The following TJP1 variants were observed in gnomAD, a reference collection of about 807,000 sequenced individuals.
TJP1 encodes tight junction protein 1, also known as tight junction protein ZO-1.
A neutral mutation model predicts 194.2 loss-of-function variants in TJP1; 43 were observed. That is an observed-to-expected ratio of 0.22 (90% CI 0.17 to 0.29). The LOEUF is 0.29. TJP1 is among the 10% of genes least tolerant of loss of function. TJP1 has a pLI of 1.00. For missense variants in TJP1, 1,971 were observed against 2,185.7 expected (o/e 0.90, Z 1.96); for synonymous variants, 801 against 779.0 (o/e 1.03, Z -0.47).
chr15:29,735,350 A>G (rs1402213480), intron 11 of TJP1, among the ~76,000 whole-genome samples: 1 of 152,114 alleles, frequency 6.6e-6, no homozygotes, highest in Non-Finnish European at 1.5e-5. Context: ...GCACTCTGGG[A>G]GGCCAAAGTA....
chr15:29,813,613 C>T (rs879449825), intron 1 of TJP1, among the ~76,000 whole-genome samples: 2 of 152,228 alleles, frequency 1.3e-5, no homozygotes, highest in Non-Finnish European at 2.9e-5. Context: ...AAAACTAGTG[C>T]TTTCAGAATG....
intron 11 of TJP1, among the ~76,000 whole-genome samples, chr15:29,734,782 G>A (rs1001632006): frequency 1.3e-5 from 2 of 151,754 alleles, no homozygotes; most frequent in African/African-American, 4.8e-5. Context: ...CACCACACCC[G>A]GCCGAAAATA....
chr15:29,964,687 C>T (rs1362191301), intron 1 of TJP1, among the ~76,000 whole-genome samples: 2 of 152,324 alleles, frequency 1.3e-5, no homozygotes, highest in African/African-American at 2.4e-5. Flanking sequence ...AGCCCCACTG[C>T]TTCTTTTCAT....
intron 2 of TJP1, among the ~76,000 whole-genome samples, chr15:29,889,809 T>C (rs1477063856): frequency 1.3e-5 from 2 of 152,220 alleles, no homozygotes; most frequent in East Asian, 1.9e-4. Flanking sequence ...CATTATTCAG[T>C]CAAAGTGGTT....
At chr15:29,889,666 G>A (rs891022748) in intron 2 of TJP1, among the ~76,000 whole-genome samples, 3 of 152,146 alleles carry the variant, frequency 2.0e-5, no homozygotes, top group African/African-American at 4.8e-5. Flanking sequence ...TAGGCTCCAC[G>A]GAGCAGGCAC....
chr15:29,757,385 A>G (rs1373602239), intron 8 of TJP1, among the ~76,000 whole-genome samples: 1 of 152,196 alleles, frequency 6.6e-6, no homozygotes, highest in East Asian at 1.9e-4. Context: ...AAGATAATTT[A>G]CATACAATTT....
Position 29,764,628 on chromosome 15 carries a change from A to G in TJP1, c.589+1638T>C, listed in dbSNP as rs1021407184. On this transcript the variant is annotated intron_variant, in intron 5 of 27. Transcript: ENST00000614355. ...GTATTCAGGAGTGAGGACATTCATC[A>G]TGCATGGGAAAAAAAGAGAAGGCAA... Among the ~76,000 whole-genome samples, 5 of 152,286 alleles carry G rather than the reference A, an allele frequency of 3.3e-5. 1 individual carries two copies. In the South Asian group the frequency reaches 1.0e-3, roughly 32 times the overall value.
chr15:29,753,247 G>T (rs1348645999), intron 8 of TJP1, among the ~76,000 whole-genome samples: 2 of 151,976 alleles, frequency 1.3e-5, no homozygotes, highest in Non-Finnish European at 2.9e-5. Context: ...ACTTTGGGAG[G>T]CTGAGGCAGG....
chr15:29,772,993 C>T (rs2046789642), intron 3 of TJP1, among the ~76,000 whole-genome samples: 1 of 152,132 alleles, frequency 6.6e-6, no homozygotes, highest in African/African-American at 2.4e-5. Context: ...GTCTCAAACT[C>T]CTGGTCTCAA....
intron 2 of TJP1, among the ~76,000 whole-genome samples, chr15:29,833,869 ATATATATATATATTT>A (rs1220190947): frequency 1.6e-4 from 3 of 19,210 alleles, no homozygotes; most frequent in Admixed American, 6.2e-4. Flanking sequence ...ATATATATAT[ATATATATATATATTT>A]TTTTTTTTTT....
intron 18 of TJP1, among the ~76,000 whole-genome samples, chr15:29,721,353 GTTTT>G (rs1028621874): frequency 2.4e-4 from 36 of 152,024 alleles, no homozygotes; most frequent in African/African-American, 7.5e-4. Context: ...CCCAAGATCT[GTTTT>G]TTTAAGTGTG....
At position 29,710,884 on chromosome 15, in the gene TJP1, T is replaced by A. The variant is rs762790188; in HGVS notation, c.4319A>T (p.Gln1440Leu). ...PLPSQYAQPS[Q>L]PVTSASLHIH... Reference sequence around the variant, plus strand: ...GTGGAGAGACGCGCTGGTGACAGGCTGAGATGGCTGGGCATACTGCGAGGG... The same window carrying A: ...GTGGAGAGACGCGCTGGTGACAGGCAGAGATGGCTGGGCATACTGCGAGGG... Residue 1440 changes from glutamine to leucine, a missense_variant, in exon 24 of 28, where the codon CAG (glutamine) becomes CTG (leucine). Coordinates refer to ENST00000614355, the MANE Select transcript of TJP1 (RefSeq NM_001330239.4). The A allele has an allele frequency of 1.4e-5, 22 of 1,614,026 alleles. No individual in the cohort carries two copies. In the South Asian group the frequency reaches 2.4e-4, roughly 18 times the overall value.
intron 2 of TJP1, among the ~76,000 whole-genome samples, chr15:29,921,933 C>A (rs145797127): frequency 0.014 from 2,115 of 151,892 alleles, 50 homozygotes; most frequent in African/African-American, 0.048. Context: ...CAACCTCCGC[C>A]TCCTGGGTTC....
chr15:29,804,239 T>C (rs1345171262), intron 1 of TJP1, among the ~76,000 whole-genome samples: 1 of 152,016 alleles, frequency 6.6e-6, no homozygotes. Flanking sequence ...ATAATGCAAA[T>C]ACAGTAAAAT....
intron 2 of TJP1, among the ~76,000 whole-genome samples, chr15:29,890,431 T>C (rs2053266163): frequency 6.6e-6 from 1 of 152,166 alleles, no homozygotes; most frequent in Non-Finnish European, 1.5e-5. Context: ...CAAGGCGCAG[T>C]GAATTACTCC....
chr15:29,745,936 A>G (rs1040130357), intron 8 of TJP1, among the ~76,000 whole-genome samples: 1 of 152,240 alleles, frequency 6.6e-6, no homozygotes, highest in African/African-American at 2.4e-5. Context: ...GAATGGCTTA[A>G]TTCAAGAAGA....
chr15:29,717,947 A>T (rs1043961724), intron 22 of TJP1, 74 bp downstream of exon 22: 15 of 1,297,058 alleles, frequency 1.2e-5, no homozygotes, highest in Middle Eastern at 1.9e-4. Context: ...AACACAGTAA[A>T]AGGTTTTCTT....
At chr15:29,796,355 A>AAAC (rs1555421485) in intron 2 of TJP1, among the ~76,000 whole-genome samples, 2 of 151,844 alleles carry the variant, frequency 1.3e-5, no homozygotes, top group East Asian at 4.0e-4. Flanking sequence ...AAAAAAACAA[A>AAAC]AAAAAACCTG....
At chr15:29,806,631 T>C (rs1367205572) in intron 1 of TJP1, among the ~76,000 whole-genome samples, 3 of 152,112 alleles carry the variant, frequency 2.0e-5, no homozygotes, top group African/African-American at 7.2e-5. Flanking sequence ...CCATCCAAAT[T>C]GAAAGCAAGA....
Sources: gnomAD v4.1 joint callset for allele counts (sites outside exome capture counted in the v4.1 genomes callset) on GRCh38, gnomAD v4.1.1 for gene constraint, MANE v1.5 for transcripts, NCBI Gene and HGNC (gene_info 2026-07-23, HGNC 2026-07-21) for gene names.